The following TTC16 variants were observed in gnomAD, a reference collection of about 807,000 sequenced individuals.
TTC16 encodes the protein tetratricopeptide repeat protein 16.
TTC16 carries 66 observed loss-of-function variants against 80.4 expected under a neutral mutation model. That is an observed-to-expected ratio of 0.82 (90% CI 0.67 to 1.01). The LOEUF (loss-of-function observed/expected upper bound fraction) is 1.01. Among genes scored for constraint, TTC16 ranks in the 50% least tolerant of loss-of-function variants. The pLI, the probability that TTC16 is intolerant of heterozygous loss-of-function variation, is 0.00. For missense variants in TTC16, 1,070 were observed against 1,103.2 expected, an observed-to-expected ratio of 0.97 and a Z score of 0.43; for synonymous variants, 438 against 451.3, an observed-to-expected ratio of 0.97 and a Z score of 0.37.
chr9:127,720,100 G>A lies in TTC16; in HGVS notation c.449G>A (p.Cys150Tyr). Reference sequence around the variant, plus strand: ...CAGGGACAATGCCTTTTTGAGCAGTGTGCCTTCCTGGATGCCCTGAATGTC... The same window carrying A: ...CAGGGACAATGCCTTTTTGAGCAGTATGCCTTCCTGGATGCCCTGAATGTC... Reference protein sequence around the residue: ...YLQGQCLFEQCAFLDALNVFS... With the variant: ...YLQGQCLFEQYAFLDALNVFS... Residue 150 changes from cysteine (C) to tyrosine (Y), a missense_variant, in exon 5 of 14, where the codon TGT becomes TAT. By Grantham distance (194) the Cys-to-Tyr change is radical. Transcript: ENST00000373289. The A allele has an allele frequency of 6.2e-7, 1 of 1,613,862 alleles. No homozygotes were observed. The highest frequency in any genetic ancestry group is 8.5e-7 in the Non-Finnish European group (1 of 1,180,008).
At chr9:127,723,754 C>A (rs1189700674) in intron 7 of TTC16, among the ~76,000 whole-genome samples, 1 of 152,206 alleles carries the variant, frequency 6.6e-6, no homozygotes, top group Non-Finnish European at 1.5e-5. Context: ...GGTTCAGTAT[C>A]CCACAAGTGA....
In TTC16 at chr9:127,723,248, G is replaced by T; in HGVS notation, c.787G>T (p.Val263Leu). 1 of 1,612,954 alleles carries T rather than the reference G, an allele frequency of 6.2e-7. No homozygotes were observed. The change falls in exon 7 of 14, where the codon GTG becomes TTG. Residue 263 changes from valine to leucine, a missense_variant. By Grantham distance (32) the Val-to-Leu change is conservative. Transcript: ENST00000373289. The stretch of plus-strand genomic sequence containing the variant: ...GCGCCAAGATGCGGGGATCCTGGCT[G>T]TGCAGGGCAAGCTGCAGCACGCACT... Reference protein sequence around the residue: ...QARQDAGILAVQGKLQHALQR... With the variant: ...QARQDAGILALQGKLQHALQR...
chr9:127,716,652 G>A, intron 1 of TTC16, 192 bp from the exon 2 acceptor site: 1 of 664,206 alleles, frequency 1.5e-6, no homozygotes, highest in South Asian at 2.0e-5. Flanking sequence ...AGAAGGGCAG[G>A]ACTGCAGAGG....
chr9:127,720,629 C>A lies in TTC16; in HGVS notation c.657+234C>A, dbSNP rs73600078. Among the ~76,000 whole-genome samples the A allele has an allele frequency of 5.8e-3, 878 of 152,120 alleles. 7 individuals are homozygous for A. Among genetic ancestry groups the A allele is most frequent in the African/African-American group, 0.02 (837 of 41,462 alleles). ...GGCTCTGTGCTAGGCCTGTGCTGCA[C>A]CCCATGGGAAGCAAAAGATGAGAGA... On this transcript the variant is annotated intron_variant, in intron 6 of 13. Transcript: ENST00000373289.
chr9:127,719,338 C>CA (rs2131623070), intron 4 of TTC16, among the ~76,000 whole-genome samples: 1 of 152,348 alleles, frequency 6.6e-6, no homozygotes, highest in East Asian at 1.9e-4. Flanking sequence ...AGTCACTTCA[C>CA]CTCTCTGAGC....
rs746608995 is a variant in TTC16 at position 127,716,832 on chromosome 9, C to G, written c.19-12C>G. ...CGGGGGCCTGCTCCAGCTTGCTGTC[C>G]TTCGGTTCTAGGATGCCCTGAAGGT... On this transcript the variant is annotated splice_polypyrimidine_tract_variant and intron_variant, in intron 1 of 13. Coordinates refer to ENST00000373289, the MANE Select transcript of TTC16 (RefSeq NM_144965.3). 6.3e-7 allele frequency: 1 copy of G among 1,598,854 alleles called. No individual in the cohort carries two copies. Among genetic ancestry groups the G allele is most frequent in the African/African-American group, 1.3e-5 (1 of 74,598 alleles).
rs1363853310 is a variant in TTC16, at chr9:127,726,972, G to C, written c.1428G>C (p.Leu476=). ...CTGGTCACCCCCTTTCGTGGCAGCT[G>C]TCCCTGCTGATGACCAACCTCTTCC... ...VLLLNPKQPK[L]SLLMTNLFPG... Residue 476 remains leucine (L), a splice_region_variant and synonymous_variant, in exon 11 of 14, where the codon CTG becomes CTC. Coordinates refer to ENST00000373289, the MANE Select transcript of TTC16 (RefSeq NM_144965.3). 6.2e-7 allele frequency: 1 copy of C among 1,613,210 alleles called. No individual in the cohort carries two copies. Among genetic ancestry groups the C allele is most frequent in the Non-Finnish European group, 8.5e-7 (1 of 1,180,026 alleles).
Position 127,724,214 on chromosome 9 carries a change from G to T in TTC16, c.967G>T (p.Val323Leu), listed in dbSNP as rs2131657032. 1 of 1,613,178 alleles carries T rather than the reference G, an allele frequency of 6.2e-7. No homozygotes were observed. Among genetic ancestry groups the T allele is most frequent in the Non-Finnish European group, 8.5e-7 (1 of 1,180,032 alleles). ...DMVTEDQEDM[V>L]RQAQRQLLLT... ...GGTGACCGAGGACCAGGAGGACATG[G>T]TGCGGCAGGCACAGCGCCAGCTGTT... Residue 323 changes from valine to leucine, a missense_variant, in exon 8 of 14, where the codon GTG (valine) becomes TTG (leucine). Transcript: ENST00000373289.
intron 10 of TTC16, 129 bp from the exon 11 acceptor site, chr9:127,726,831 AAACAAAAAAC>A: frequency 1.2e-6 from 1 of 839,652 alleles, no homozygotes; most frequent in Non-Finnish European, 1.9e-6. Flanking sequence ...ACAAACAAGC[AAACAAAAAAC>A]ATTGCAAAAC....
Position 127,717,889 on chromosome 9 carries a change from C to A in TTC16, c.426+117C>A, listed in dbSNP as rs1843176331. ...TTCCTCCTTGTCCCTGTGTCTGGGT[C>A]CCCCCCGCTGCCCCTCTCACCTCCA... On this transcript the variant is annotated intron_variant, in intron 4 of 13. Transcript: ENST00000373289. 4.6e-6 allele frequency: 6 copies of A among 1,300,956 alleles called. No homozygotes were observed. The Admixed American group carries it at 7.6e-5, about 16-fold the overall frequency. The allele number at this position is 1,300,956 out of a possible 1,614,324, so 80.6% of individuals were successfully genotyped here.
intron 12 of TTC16, chr9:127,727,737 C>A: frequency 2.0e-6 from 1 of 494,704 alleles, no homozygotes; most frequent in Non-Finnish European, 3.0e-6. Flanking sequence ...CTACTGTAGG[C>A]ACTAGCCACT....
At chr9:127,727,559 G>A in intron 12 of TTC16, 94 bp downstream of exon 12, 2 of 1,472,300 alleles carry the variant, frequency 1.4e-6, no homozygotes, top group Non-Finnish European at 1.8e-6. Context: ...AGTGGAGTCT[G>A]GCTTCCAGGC....
intron 6 of TTC16, among the ~76,000 whole-genome samples, chr9:127,721,320 G>T (rs1280518756): frequency 2.0e-5 from 3 of 152,108 alleles, no homozygotes; most frequent in Non-Finnish European, 2.9e-5. Context: ...GGGTGAGGTG[G>T]AGGGAAAGGT....
intron 11 of TTC16, 75 bp downstream of exon 11, chr9:127,727,187 C>G: frequency 6.6e-7 from 1 of 1,517,906 alleles, no homozygotes; most frequent in South Asian, 1.3e-5. Flanking sequence ...GCTCCAGCTG[C>G]ATGACGGGGC....
rs887441757 is a variant in TTC16, at chr9:127,731,360, C to G, written c.2577C>G (p.Ser859Arg). 1 of 1,612,844 alleles carries G rather than the reference C, an allele frequency of 6.2e-7. No individual in the cohort carries two copies. The highest frequency in any genetic ancestry group is 1.3e-5 in the African/African-American group (1 of 74,944). The change falls in exon 14 of 14, where the codon AGC (serine) becomes AGG (arginine). Residue 859 changes from serine (S) to arginine (R), a missense_variant. Ser to Arg is a moderately radical substitution (Grantham distance 110, BLOSUM62 -1). Transcript: ENST00000373289. ...ESTWGPSPSL[S>R]KTEVDQDLTY... ...CCTGGGGACCCAGCCCAAGTCTCAGCAAAACTGAGGTTGATCAGGACCTCA... is the reference window on the plus strand; with the variant it reads ...CCTGGGGACCCAGCCCAAGTCTCAGGAAAACTGAGGTTGATCAGGACCTCA...
At chr9:127,725,563 C>CAAAAAAA (rs34292919) in intron 9 of TTC16, among the ~76,000 whole-genome samples, 1 of 57,352 alleles carries the variant, frequency 1.7e-5, no homozygotes. Flanking sequence ...GACTCCGTCT[C>CAAAAAAA]AAAAAAAAAA....
intron 9 of TTC16, 66 bp downstream of exon 9, chr9:127,724,963 C>G: frequency 1.4e-5 from 20 of 1,430,544 alleles, no homozygotes; most frequent in Non-Finnish European, 1.8e-5. Flanking sequence ...AGGAGGCCAA[C>G]TGCTGGGATC....
Position 127,729,663 on chromosome 9 carries a change from T to A in TTC16, c.1847T>A (p.Met616Lys), listed in dbSNP as rs1243142204. 1 of 1,613,208 alleles carries A rather than the reference T, an allele frequency of 6.2e-7. No individual in the cohort carries two copies. Among genetic ancestry groups the A allele is most frequent in the African/African-American group, 1.3e-5 (1 of 74,952 alleles). ...GACCAGACCTCTTCAGCCTCCAGCATGAGCTGTAAGTCCCTGGTGCTTCCG... is the reference window on the plus strand; with the variant it reads ...GACCAGACCTCTTCAGCCTCCAGCAAGAGCTGTAAGTCCCTGGTGCTTCCG... ...YLDQTSSASS[M>K]SFRTTGTSET... The change falls in exon 13 of 14, where the codon ATG becomes AAG. Residue 616 changes from methionine to lysine, a missense_variant. Coordinates refer to ENST00000373289, the MANE Select transcript of TTC16 (RefSeq NM_144965.3).
chr9:127,717,376 G>A lies in TTC16; in HGVS notation c.234G>A (p.Glu78=), dbSNP rs559714051. ...AGTGCTTGGAGCAGGCAGACTGGGAGACAGCTGTGCTGCTCTTCTCCCGCG... is the reference window on the plus strand; with the variant it reads ...AGTGCTTGGAGCAGGCAGACTGGGAAACAGCTGTGCTGCTCTTCTCCCGCG... ...GQQCLEQADW[E]TAVLLFSRAL... Residue 78 remains glutamate (E), a synonymous_variant, in exon 3 of 14, where the codon GAG becomes GAA. Transcript: ENST00000373289. The A allele has an allele frequency of 4.5e-5, 72 of 1,612,988 alleles. 2 individuals are homozygous for A. In the South Asian group the frequency reaches 7.5e-4, roughly 17 times the overall value.
Sources: gnomAD v4.1 joint callset for allele counts (sites outside exome capture counted in the v4.1 genomes callset) on GRCh38, gnomAD v4.1.1 for gene constraint, MANE v1.5 for transcripts, NCBI Gene and HGNC (gene_info 2026-07-23, HGNC 2026-07-21) for gene names.